The following CHRM3 variants were observed in gnomAD, a reference collection of about 807,000 sequenced individuals.
CHRM3 encodes muscarinic acetylcholine receptor M3.
In CHRM3, 11 loss-of-function variants were observed where a neutral mutation model predicts 41.8. That is an observed-to-expected ratio of 0.26 (90% CI 0.17 to 0.44). The LOEUF (loss-of-function observed/expected upper bound fraction) is 0.44, where lower values mean the gene tolerates loss of function less well. CHRM3 is among the 20% of genes least tolerant of loss of function. The pLI is 1.00. For missense variants in CHRM3, 571 were observed against 745.4 expected (o/e 0.77, Z 2.72); for synonymous variants, 297 against 301.4 (o/e 0.99, Z 0.15).
chr1:239,545,464 C>CTA (rs1659200606), intron 2 of CHRM3, among the ~76,000 whole-genome samples, 177 bp from the exon 3 acceptor site: 1 of 152,078 alleles, frequency 6.6e-6, no homozygotes, highest in South Asian at 2.1e-4. Flanking sequence ...ATTCTTAAAG[C>CTA]TAATGAAATA....
chr1:239,902,186 G>A (rs1306327801), intron 6 of CHRM3, among the ~76,000 whole-genome samples: 2 of 152,056 alleles, frequency 1.3e-5, no homozygotes, highest in African/African-American at 4.8e-5. Flanking sequence ...ACACAACCCT[G>A]AGAACACAAA....
chr1:239,673,869 C>T (rs1273299375), intron 4 of CHRM3, among the ~76,000 whole-genome samples: 2 of 152,138 alleles, frequency 1.3e-5, no homozygotes, highest in Non-Finnish European at 2.9e-5. Flanking sequence ...CTATTATTCA[C>T]TATTATAAAT....
At chr1:239,444,767 A>G (rs1664001721) in intron 1 of CHRM3, among the ~76,000 whole-genome samples, 1 of 152,222 alleles carries the variant, frequency 6.6e-6, no homozygotes, top group African/African-American at 2.4e-5. Context: ...AAAAAAATTA[A>G]AAAGACCAGA....
rs551384271 is a variant in CHRM3, at chr1:239,660,651, GAC to G, written c.-249-17533_-249-17532del. Among the ~76,000 whole-genome samples, 7 of 152,172 alleles carry G rather than the reference GAC, an allele frequency of 4.6e-5. No homozygotes were observed. In the South Asian group the frequency reaches 1.5e-3, roughly 32 times the overall value. On this transcript the variant is annotated intron_variant, in intron 4 of 6. Coordinates refer to ENST00000676153, the MANE Select transcript of CHRM3 (RefSeq NM_001375978.1). ...TAATCCCTGTACTTTGGGAGGCTGA[GAC>G]AGGGGGATCACTTGAGGCCAGGAGT...
At chr1:239,902,347 G>A (rs1463476565) in intron 6 of CHRM3, among the ~76,000 whole-genome samples, 2 of 152,130 alleles carry the variant, frequency 1.3e-5, no homozygotes, top group East Asian at 3.9e-4. Context: ...TCTCAAAATA[G>A]TCAAGTAATT....
rs765791845 is a variant in CHRM3 at position 239,909,695 on chromosome 1, T to C, written c.*471T>C. The C allele has an allele frequency of 1.1e-4, 18 of 169,382 alleles. No individual in the cohort carries two copies. Among genetic ancestry groups the C allele is most frequent in the Non-Finnish European group, 2.4e-4 (17 of 69,790 alleles). The allele number at this position is 169,382 out of a possible 1,614,324, so 10.5% of individuals were successfully genotyped here. A position where few individuals can be genotyped will look rare whatever the true frequency, so the allele number is the denominator to read the frequency against. On this transcript the variant is annotated 3_prime_UTR_variant, in exon 7 of 7. Coordinates refer to ENST00000676153, the MANE Select transcript of CHRM3 (RefSeq NM_001375978.1). ...TGTGGTTCCAAAATTATTTCATACG[T>C]TGCAAAGCTGAATCTTCTTGTCCCA... is the stretch of plus-strand genomic sequence containing the variant.
chr1:239,864,692 T>G (rs1462840986), intron 6 of CHRM3, among the ~76,000 whole-genome samples: 1 of 152,096 alleles, frequency 6.6e-6, no homozygotes, highest in African/African-American at 2.4e-5. Context: ...ACTACTATCC[T>G]CATTATTACT....
At chr1:239,581,906 C>A (rs929048879) in intron 3 of CHRM3, among the ~76,000 whole-genome samples, 3 of 152,144 alleles carry the variant, frequency 2.0e-5, no homozygotes, top group Admixed American at 6.6e-5. Flanking sequence ...TGGAGCAGAG[C>A]AAATTTTGCC....
chr1:239,693,429 G>C (rs1659896015), intron 5 of CHRM3, among the ~76,000 whole-genome samples: 1 of 152,106 alleles, frequency 6.6e-6, no homozygotes, highest in South Asian at 2.1e-4. Flanking sequence ...AAGGAAGAGA[G>C]CCCTAACCAG....
rs141806741 is a variant in CHRM3 at position 239,551,382 on chromosome 1, G to A, written c.-313+5633G>A. ...TCTCCATGTTGGTCAGGCTGGTCTC[G>A]AACTCCCAACCTCAGGTAATCCACC... On this transcript the variant is annotated intron_variant, in intron 3 of 6. Coordinates refer to ENST00000676153, the MANE Select transcript of CHRM3 (RefSeq NM_001375978.1). 3.8e-3 allele frequency among the ~76,000 whole-genome samples: 573 copies of A among 151,356 alleles called. 5 individuals are homozygous for A. Among genetic ancestry groups the A allele is most frequent in the African/African-American group, 0.013 (528 of 41,324 alleles).
At chr1:239,901,948 T>C (rs1487828050) in intron 6 of CHRM3, among the ~76,000 whole-genome samples, 1 of 152,192 alleles carries the variant, frequency 6.6e-6, no homozygotes, top group Admixed American at 6.5e-5. Flanking sequence ...CTTTTTGTAG[T>C]ACTTATTATC....
intron 1 of CHRM3, among the ~76,000 whole-genome samples, chr1:239,492,043 A>G (rs907821985): frequency 1.3e-5 from 2 of 152,182 alleles, no homozygotes; most frequent in African/African-American, 4.8e-5. Flanking sequence ...GTAATGATCC[A>G]TTTTGGCCAT....
At chr1:239,478,689 A>G (rs1258627390) in intron 1 of CHRM3, among the ~76,000 whole-genome samples, 2 of 152,188 alleles carry the variant, frequency 1.3e-5, no homozygotes, top group African/African-American at 4.8e-5. Context: ...TGAATGAGTG[A>G]ATTTTAAGAT....
intron 1 of CHRM3, among the ~76,000 whole-genome samples, chr1:239,423,479 C>A (rs2103113958): frequency 6.6e-6 from 1 of 152,220 alleles, no homozygotes; most frequent in South Asian, 2.1e-4. Flanking sequence ...GGCGGGAATG[C>A]AGAAAATATA....
chr1:239,904,669 A>G (rs999155367), intron 6 of CHRM3, among the ~76,000 whole-genome samples: 10 of 152,208 alleles, frequency 6.6e-5, no homozygotes, highest in Admixed American at 6.5e-5. Context: ...GTTGACACCT[A>G]ATAAAACCCA....
At chr1:239,486,020 G>C (rs1394388842) in intron 1 of CHRM3, among the ~76,000 whole-genome samples, 2 of 152,122 alleles carry the variant, frequency 1.3e-5, no homozygotes, top group Non-Finnish European at 2.9e-5. Context: ...TAATGCAATA[G>C]CTCTGCTGTT....
At chr1:239,897,692 AG>A (rs1679125099) in intron 6 of CHRM3, among the ~76,000 whole-genome samples, 1 of 152,212 alleles carries the variant, frequency 6.6e-6, no homozygotes, top group East Asian at 1.9e-4. Flanking sequence ...TTCTGGGTGA[AG>A]GGGTCATACT....
At chr1:239,672,981 G>A (rs1270497669) in intron 4 of CHRM3, among the ~76,000 whole-genome samples, 1 of 151,954 alleles carries the variant, frequency 6.6e-6, no homozygotes, top group Non-Finnish European at 1.5e-5. Flanking sequence ...ATGTGATTAG[G>A]GCACCATGTG....
chr1:239,791,940 A>G (rs1019436741), intron 5 of CHRM3, among the ~76,000 whole-genome samples: 2 of 152,232 alleles, frequency 1.3e-5, no homozygotes, highest in African/African-American at 4.8e-5. Flanking sequence ...AAATATACGT[A>G]TTCAGTCTTA....
Sources: allele counts gnomAD v4.1 joint callset (sites outside exome capture counted in the v4.1 genomes callset), GRCh38; gene constraint gnomAD v4.1.1; transcripts MANE v1.5; gene names NCBI Gene and HGNC (gene_info 2026-07-23, HGNC 2026-07-21).